Variants in MAST2 observed in about 807,000 individuals in gnomAD.
MAST2 encodes the protein microtubule-associated serine/threonine-protein kinase 2.
In MAST2, 70 loss-of-function variants were observed where a neutral mutation model predicts 147.4. The ratio of observed to expected loss-of-function variants is 0.47; its 90% confidence interval spans 0.39 to 0.58. The LOEUF is 0.58. Ranked by LOEUF, MAST2 falls within the 20% of genes least tolerant of loss-of-function variation. The pLI is 0.00. For missense variants in MAST2, 2,080 were observed against 2,302.3 expected, an observed-to-expected ratio of 0.90 and a Z score of 1.98; for synonymous variants, 869 against 896.8, an observed-to-expected ratio of 0.97 and a Z score of 0.55.
intron 5 of MAST2, among the ~76,000 whole-genome samples, chr1:45,974,537 C>T (rs1234573894): frequency 6.6e-6 from 1 of 152,106 alleles, no homozygotes; most frequent in African/African-American, 2.4e-5. Context: ...TTCGAGGCTG[C>T]AGTGAGCTGT....
In MAST2 at chr1:46,015,392, T is replaced by A. The variant is rs534654970; in HGVS notation, c.1189-4204T>A. On this transcript the variant is annotated intron_variant, in intron 10 of 28. Transcript: ENST00000361297. The stretch of plus-strand genomic sequence containing the variant: ...AAAATTAATGAATCCAGGAGCTGGT[T>A]TTTTGAAAGGATCAACAAAATTGAT... Among the ~76,000 whole-genome samples, 124 of 152,260 alleles carry A rather than the reference T, an allele frequency of 8.1e-4. 1 individual carries two copies. The highest frequency in any genetic ancestry group is 2.8e-3 in the African/African-American group (117 of 41,562).
intron 4 of MAST2, among the ~76,000 whole-genome samples, chr1:45,901,117 G>A (rs533389704): frequency 5.3e-5 from 8 of 151,956 alleles, no homozygotes; most frequent in African/African-American, 1.7e-4. Context: ...ATTCTTTTAG[G>A]GTTTTTATAG....
chr1:45,847,122 A>T (rs1645462653), intron 3 of MAST2: 2 of 492,562 alleles, frequency 4.1e-6, no homozygotes, highest in Non-Finnish European at 4.1e-6. Flanking sequence ...ATTAGCACAG[A>T]TTTTTCTCAT....
intron 4 of MAST2, among the ~76,000 whole-genome samples, chr1:45,956,287 G>C (rs558793523): frequency 6.6e-6 from 1 of 152,158 alleles, no homozygotes; most frequent in African/African-American, 2.4e-5. Context: ...CTTCAAACCT[G>C]CCAATCATTG....
At position 45,829,517 on chromosome 1, in the gene MAST2, C is replaced by T. The variant is rs746234377; in HGVS notation, c.404C>T (p.Ser135Leu). 4 of 1,614,196 alleles carry T rather than the reference C, an allele frequency of 2.5e-6. No homozygotes were observed. The highest frequency in any genetic ancestry group is 1.6e-4 in the Middle Eastern group (1 of 6,062). Residue 135 changes from serine to leucine, a missense_variant, in exon 3 of 29, where the codon TCA becomes TTA. By Grantham distance (145) the Ser-to-Leu change is moderately radical. Around this residue, in one of 4 missense-constraint regions of MAST2, gnomAD observed 569 missense variants for 642.5 expected, o/e 0.89. Transcript: ENST00000361297. ...QVTWQSSGEA[S>L]NLVRMRNQSL... ...ACTTGGCAGTCGTCAGGAGAAGCATCAAACCTGGTTCGAATGAGAAACCAG... is the reference window on the plus strand; with the variant it reads ...ACTTGGCAGTCGTCAGGAGAAGCATTAAACCTGGTTCGAATGAGAAACCAG...
chr1:45,852,150 A>G (rs931906532), intron 3 of MAST2, among the ~76,000 whole-genome samples: 4 of 152,130 alleles, frequency 2.6e-5, no homozygotes, highest in Non-Finnish European at 4.4e-5. Flanking sequence ...TGGTCTTTAT[A>G]TACACTTGTA....
intron 1 of MAST2, among the ~76,000 whole-genome samples, chr1:45,812,724 C>T (rs998805010): frequency 1.3e-5 from 2 of 152,186 alleles, no homozygotes; most frequent in Non-Finnish European, 2.9e-5. Flanking sequence ...TGTGCCTGGC[C>T]CTACTCCTAT....
intron 4 of MAST2, among the ~76,000 whole-genome samples, chr1:45,886,593 G>A (rs988553592): frequency 1.3e-5 from 2 of 152,052 alleles, no homozygotes; most frequent in Non-Finnish European, 2.9e-5. Flanking sequence ...TAAAAATGTA[G>A]TTTAGAATAT....
intron 5 of MAST2, among the ~76,000 whole-genome samples, chr1:45,962,982 G>T (rs936569233): frequency 6.6e-6 from 1 of 152,148 alleles, no homozygotes; most frequent in African/African-American, 2.4e-5. Context: ...TTCTACATAT[G>T]GCTAGCCAGT....
intron 4 of MAST2, among the ~76,000 whole-genome samples, chr1:45,902,561 T>G (rs753787247): frequency 4.8e-4 from 73 of 152,114 alleles, no homozygotes; most frequent in Non-Finnish European, 7.3e-4. Flanking sequence ...GAGGTACAGT[T>G]CTTCTTTGTA....
chr1:45,932,534 G>T (rs1479201054), intron 4 of MAST2, among the ~76,000 whole-genome samples: 1 of 152,098 alleles, frequency 6.6e-6, no homozygotes, highest in Non-Finnish European at 1.5e-5. Context: ...CTAGCCAGGC[G>T]TGGTGGCTCA....
chr1:45,986,065 G>A (rs1290735384), intron 5 of MAST2, among the ~76,000 whole-genome samples: 3 of 152,152 alleles, frequency 2.0e-5, no homozygotes, highest in Non-Finnish European at 4.4e-5. Context: ...GGAACTCCCA[G>A]TATAATTTTG....
intron 1 of MAST2, among the ~76,000 whole-genome samples, chr1:45,816,674 G>T (rs183533987): frequency 2.0e-5 from 3 of 152,124 alleles, no homozygotes; most frequent in East Asian, 1.9e-4. Context: ...GCAGAAGAAA[G>T]AATTTATTTA....
chr1:46,022,707 G>T (rs180743660), intron 12 of MAST2, among the ~76,000 whole-genome samples: 6 of 152,294 alleles, frequency 3.9e-5, no homozygotes, highest in African/African-American at 1.4e-4. Flanking sequence ...TCTGGAAATG[G>T]GAGTAGCAGT....
intron 3 of MAST2, among the ~76,000 whole-genome samples, chr1:45,838,673 A>G (rs1429157773): frequency 6.6e-6 from 1 of 152,080 alleles, no homozygotes; most frequent in East Asian, 1.9e-4. Context: ...TTCTAAACAT[A>G]TTCTCCCTGT....
At chr1:45,847,767 T>C (rs1570356204) in intron 3 of MAST2, among the ~76,000 whole-genome samples, 1 of 152,106 alleles carries the variant, frequency 6.6e-6, no homozygotes, top group Non-Finnish European at 1.5e-5. Flanking sequence ...TTGCCCAGTC[T>C]GGTCTCGAAC....
chr1:45,893,772 A>G (rs913513962), intron 4 of MAST2, among the ~76,000 whole-genome samples: 1 of 152,154 alleles, frequency 6.6e-6, no homozygotes, highest in African/African-American at 2.4e-5. Flanking sequence ...TACCCATACA[A>G]CTTTAACCTA....
intron 3 of MAST2, among the ~76,000 whole-genome samples, chr1:45,876,784 G>A (rs2148233802): frequency 6.6e-6 from 1 of 152,296 alleles, no homozygotes; most frequent in East Asian, 1.9e-4. Context: ...GCAGGCTTTT[G>A]TATAGGTGTA....
chr1:45,921,438 G>A (rs940117687), intron 4 of MAST2, among the ~76,000 whole-genome samples: 1 of 152,170 alleles, frequency 6.6e-6, no homozygotes, highest in Non-Finnish European at 1.5e-5. Flanking sequence ...CCAGCAGGCT[G>A]CACTTGCCTC....
Sources: gnomAD v4.1 joint callset for allele counts (sites outside exome capture counted in the v4.1 genomes callset) on GRCh38, gnomAD v4.1.1 for gene constraint, gnomAD v4.1.1 regional missense constraint, MANE v1.5 for transcripts, NCBI Gene and HGNC (gene_info 2026-07-23, HGNC 2026-07-21) for gene names.